The following THSD7B variants were observed in gnomAD, a reference collection of about 807,000 sequenced individuals.
The protein encoded by THSD7B is thrombospondin type-1 domain-containing protein 7B.
In THSD7B, 138 loss-of-function variants were observed where a neutral mutation model predicts 213.6. That is an observed-to-expected ratio of 0.65 (90% CI 0.56 to 0.74). THSD7B has a LOEUF of 0.74. THSD7B is among the 30% of genes least tolerant of loss of function. The probability of loss-of-function intolerance (pLI) is 0.00; values close to 1 mark genes in which losing one functional copy is unlikely to be tolerated. For synonymous variants in THSD7B, 742 were observed against 687.0 expected (o/e 1.08, Z -1.25); for missense variants, 1,931 against 1,991.5 (o/e 0.97, Z 0.58).
intron 2 of THSD7B, among the ~76,000 whole-genome samples, chr2:137,016,066 C>CTGTA (rs1686334084): frequency 6.6e-6 from 1 of 152,144 alleles, no homozygotes; most frequent in Non-Finnish European, 1.5e-5. Flanking sequence ...TCAGTGCTTA[C>CTGTA]TGTATGTCAG....
intron 5 of THSD7B, among the ~76,000 whole-genome samples, chr2:137,148,912 A>C (rs904266265): frequency 2.0e-5 from 3 of 152,230 alleles, no homozygotes; most frequent in Non-Finnish European, 4.4e-5. Context: ...CATAAATAAC[A>C]ATGAGACAAA....
At chr2:136,831,937 C>T (rs534587294) in intron 1 of THSD7B, among the ~76,000 whole-genome samples, 9 of 152,252 alleles carry the variant, frequency 5.9e-5, no homozygotes, top group Non-Finnish European at 1.2e-4. Context: ...TTTTAGGAAA[C>T]TCCTGTAATA....
intron 7 of THSD7B, among the ~76,000 whole-genome samples, chr2:137,190,170 T>C (rs1054242505): frequency 2.0e-5 from 3 of 152,230 alleles, no homozygotes; most frequent in Admixed American, 1.3e-4. Flanking sequence ...TTTCTGCTGC[T>C]TATTGTCTCC....
At chr2:136,814,841 T>G (rs182864276) in intron 1 of THSD7B, among the ~76,000 whole-genome samples, 3 of 152,352 alleles carry the variant, frequency 2.0e-5, no homozygotes, top group Admixed American at 2.0e-4. Flanking sequence ...ATGGTCAGTT[T>G]GGCTCACTGC....
chr2:136,880,145 C>G (rs527363790), intron 1 of THSD7B, among the ~76,000 whole-genome samples: 1 of 152,184 alleles, frequency 6.6e-6, no homozygotes, highest in Non-Finnish European at 1.5e-5. Flanking sequence ...CTCTCCACCT[C>G]AAATCAACAG....
At chr2:136,827,018 A>G (rs1161903214) in intron 1 of THSD7B, among the ~76,000 whole-genome samples, 2 of 152,250 alleles carry the variant, frequency 1.3e-5, no homozygotes, top group African/African-American at 2.4e-5. Context: ...ACCTAGGATT[A>G]GAAAACCAGA....
intron 2 of THSD7B, among the ~76,000 whole-genome samples, chr2:136,947,273 G>T (rs779958559): frequency 2.0e-5 from 3 of 152,200 alleles, no homozygotes; most frequent in Middle Eastern, 3.4e-3. Flanking sequence ...GATGAGAGAT[G>T]GAATGGTAAT....
At chr2:137,168,481 G>A (rs1487157111) in intron 6 of THSD7B, among the ~76,000 whole-genome samples, 3 of 152,168 alleles carry the variant, frequency 2.0e-5, no homozygotes, top group African/African-American at 7.2e-5. Flanking sequence ...AGCTTGTGCT[G>A]TGGTTTGATC....
intron 12 of THSD7B, among the ~76,000 whole-genome samples, chr2:137,350,525 T>C (rs1216152726): frequency 1.6e-4 from 24 of 151,690 alleles, no homozygotes; most frequent in Non-Finnish European, 1.5e-5. Flanking sequence ...TGGAGGAGTT[T>C]ATAAGCCACA....
chr2:136,794,265 T>A (rs1188353698), intron 1 of THSD7B, among the ~76,000 whole-genome samples: 1 of 151,708 alleles, frequency 6.6e-6, no homozygotes, highest in Non-Finnish European at 1.5e-5. Context: ...AATTTCAAAT[T>A]TTTTTTATTT....
chr2:137,413,717 G>A (rs1686725506), intron 14 of THSD7B, among the ~76,000 whole-genome samples: 1 of 152,184 alleles, frequency 6.6e-6, no homozygotes, highest in African/African-American at 2.4e-5. Context: ...GTGGAATCTT[G>A]TGAGACAAGC....
rs1441109440 is a variant in THSD7B, at chr2:137,271,452, TATA to T, written c.2267-1077_2267-1075del. 4.3e-5 allele frequency among the ~76,000 whole-genome samples: 6 copies of T among 138,974 alleles called. No individual in the cohort carries two copies. In the East Asian group the frequency reaches 1.1e-3, roughly 26 times the overall value. The allele number at this position is 138,974 out of a possible 152,430, so 91.2% of individuals were successfully genotyped here. A position where few individuals can be genotyped will look rare whatever the true frequency, so the allele number is the denominator to read the frequency against. On this transcript the variant is annotated intron_variant, in intron 10 of 27. Coordinates refer to ENST00000409968, the MANE Select transcript of THSD7B (RefSeq NM_001316349.2). Reference sequence around the variant, plus strand: ...ATAATATATATAATATAATATATAATATAATATATAATATAATATATAATATAA... The same window carrying T: ...ATAATATATATAATATAATATATAATATATATAATATAATATATAATATAA...
At chr2:137,429,500 C>G (rs545072338) in intron 14 of THSD7B, among the ~76,000 whole-genome samples, 1 of 152,190 alleles carries the variant, frequency 6.6e-6, no homozygotes, top group Non-Finnish European at 1.5e-5. Context: ...AATATTGGCA[C>G]TATGAATTTT....
At chr2:137,517,310 C>A (rs1310541335) in intron 15 of THSD7B, among the ~76,000 whole-genome samples, 6 of 152,230 alleles carry the variant, frequency 3.9e-5, no homozygotes, top group African/African-American at 1.4e-4. Flanking sequence ...TGACACTATG[C>A]TGATTGGATC....
intron 10 of THSD7B, among the ~76,000 whole-genome samples, chr2:137,259,062 C>T (rs1410629027): frequency 6.6e-6 from 1 of 152,166 alleles, no homozygotes; most frequent in Non-Finnish European, 1.5e-5. Flanking sequence ...ATATGTGCCA[C>T]ATTTTCTTTA....
intron 12 of THSD7B, among the ~76,000 whole-genome samples, chr2:137,318,961 A>T (rs912110130): frequency 1.1e-4 from 16 of 151,646 alleles, no homozygotes; most frequent in African/African-American, 3.9e-4. Context: ...GAAGTTCTGA[A>T]GATTGAATTG....
chr2:137,107,973 T>C (rs1573827564), intron 4 of THSD7B, among the ~76,000 whole-genome samples: 2 of 152,244 alleles, frequency 1.3e-5, no homozygotes, highest in Non-Finnish European at 2.9e-5. Context: ...AATTCTTTTC[T>C]AAATGCATTT....
At chr2:137,384,319 G>T (rs1172331189) in intron 12 of THSD7B, among the ~76,000 whole-genome samples, 2 of 152,158 alleles carry the variant, frequency 1.3e-5, no homozygotes, top group African/African-American at 4.8e-5. Flanking sequence ...CTTCTTAATT[G>T]ATATTCTTAA....
intron 12 of THSD7B, among the ~76,000 whole-genome samples, chr2:137,313,866 C>T (rs944758705): frequency 5.3e-5 from 8 of 152,272 alleles, no homozygotes; most frequent in South Asian, 4.2e-4. Flanking sequence ...GAGTTTCTGC[C>T]GAGAGATCTG....
Sources: allele counts gnomAD v4.1 joint callset (sites outside exome capture counted in the v4.1 genomes callset), GRCh38; gene constraint gnomAD v4.1.1; transcripts MANE v1.5; gene names NCBI Gene and HGNC (gene_info 2026-07-23, HGNC 2026-07-21).